The following DOCK9 variants were observed in gnomAD, a reference collection of about 807,000 sequenced individuals.
DOCK9 encodes the protein dedicator of cytokinesis protein 9.
A neutral mutation model predicts 263.3 loss-of-function variants in DOCK9; 89 were observed. That is an observed-to-expected ratio of 0.34 (90% confidence interval 0.28 to 0.40). DOCK9 has a LOEUF of 0.40. Among genes scored for constraint, DOCK9 ranks in the 10% least tolerant of loss-of-function variants. The pLI, the probability that DOCK9 is intolerant of heterozygous loss-of-function variation, is 1.00. For missense variants in DOCK9, 2,140 were observed against 2,603.4 expected, an observed-to-expected ratio of 0.82 and a Z score of 3.87; for synonymous variants, 976 against 973.1, an observed-to-expected ratio of 1.00 and a Z score of -0.06.
At chr13:98,992,824 A>G (rs1880127457) in intron 1 of DOCK9, among the ~76,000 whole-genome samples, 1 of 152,220 alleles carries the variant, frequency 6.6e-6, no homozygotes, top group Admixed American at 6.5e-5. Flanking sequence ...GAGAATCCAC[A>G]GCTCTCCTGA....
intron 1 of DOCK9, among the ~76,000 whole-genome samples, chr13:98,976,203 G>A (rs2060263630): frequency 6.6e-6 from 1 of 152,228 alleles, no homozygotes; most frequent in Non-Finnish European, 1.5e-5. Flanking sequence ...ACTGCCACAA[G>A]CTGCTGGGCC....
chr13:98,854,238 C>T (rs1367484325), intron 34 of DOCK9, among the ~76,000 whole-genome samples: 4 of 151,870 alleles, frequency 2.6e-5, no homozygotes. Flanking sequence ...AAAAGCAGAA[C>T]AAGAATCTCA....
intron 1 of DOCK9, among the ~76,000 whole-genome samples, chr13:99,043,465 A>G (rs1888666838): frequency 6.6e-6 from 1 of 152,152 alleles, no homozygotes; most frequent in Admixed American, 6.5e-5. Context: ...GGGGCAGCCC[A>G]TCTGTCTCTC....
chr13:98,798,543 T>C (rs2139857056), intron 50 of DOCK9, among the ~76,000 whole-genome samples: 1 of 152,024 alleles, frequency 6.6e-6, no homozygotes, highest in Non-Finnish European at 1.5e-5. Context: ...CCAAAATGAC[T>C]GATCATCTAA....
At chr13:98,835,733 CTTTTTTTTTTTTTTTT>C (rs142745340) in intron 39 of DOCK9, among the ~76,000 whole-genome samples, 1 of 79,370 alleles carries the variant, frequency 1.3e-5, no homozygotes, top group African/African-American at 6.0e-5. Flanking sequence ...CTTTACAACT[CTTTTTTTTTTTTTTTT>C]TTTTTTTTTT....
Position 98,921,022 on chromosome 13 carries a change from T to C in DOCK9, c.649A>G (p.Lys217Glu). ...GGTTCTTTGGAGATCTTTTCATCTT[T>C]ATAAAAATTCAAATTATAGGATCCA... ...GDGSYNLNFYKDEKISKEPKG... is the reference protein window; with the variant it reads ...GDGSYNLNFYEDEKISKEPKG... The change falls in exon 7 of 53, where the codon AAA becomes GAA. Residue 217 changes from lysine to glutamate, a missense_variant. Lys to Glu is a moderately conservative substitution (Grantham distance 56). Around this residue, in one of 2 missense-constraint regions of DOCK9, gnomAD observed 1,521 missense variants for 1,741.7 expected, o/e 0.87. Coordinates refer to ENST00000682017, the MANE Select transcript of DOCK9 (RefSeq NM_001366683.2). The C allele has an allele frequency of 1.9e-6, 3 of 1,603,650 alleles. No homozygotes were observed. Among genetic ancestry groups the C allele is most frequent in the Non-Finnish European group, 2.6e-6 (3 of 1,174,332 alleles).
At chr13:98,884,879 ACT>A in intron 21 of DOCK9, 90 bp downstream of exon 21, 1 of 1,396,712 alleles carries the variant, frequency 7.2e-7, no homozygotes, top group Non-Finnish European at 9.7e-7. Flanking sequence ...GAGCAAAAAT[ACT>A]GTTTGCTTTT....
At chr13:98,831,955 C>T (rs1350752652) in intron 39 of DOCK9, 169 bp from the exon 40 acceptor site, 1 of 749,292 alleles carries the variant, frequency 1.3e-6, no homozygotes, top group East Asian at 2.7e-5. Context: ...GTAGAACAAG[C>T]AAATCTATCA....
At chr13:99,009,597 T>C (rs1884104654) in intron 1 of DOCK9, among the ~76,000 whole-genome samples, 1 of 151,992 alleles carries the variant, frequency 6.6e-6, no homozygotes, top group Non-Finnish European at 1.5e-5. Flanking sequence ...TAACAGGTAT[T>C]ATTATTCCAT....
At chr13:99,071,831 T>C (rs960924254) in intron 1 of DOCK9, among the ~76,000 whole-genome samples, 22 of 152,346 alleles carry the variant, frequency 1.4e-4, no homozygotes, top group African/African-American at 5.1e-4. Flanking sequence ...AAAAGCACTC[T>C]TGAATAATTA....
chr13:98,965,169 C>T (rs1315299946), intron 1 of DOCK9, among the ~76,000 whole-genome samples: 3 of 152,098 alleles, frequency 2.0e-5, no homozygotes, highest in Admixed American at 6.5e-5. Flanking sequence ...AGGCCACAAA[C>T]AGGAGGAGGG....
intron 1 of DOCK9, among the ~76,000 whole-genome samples, chr13:99,035,632 A>G (rs1284096664): frequency 6.6e-6 from 1 of 152,232 alleles, no homozygotes; most frequent in Non-Finnish European, 1.5e-5. Context: ...AAAATGGTAG[A>G]GTCATCAATC....
At chr13:99,022,246 C>A (rs1053415384) in intron 1 of DOCK9, among the ~76,000 whole-genome samples, 2 of 152,126 alleles carry the variant, frequency 1.3e-5, no homozygotes, top group African/African-American at 2.4e-5. Context: ...AGTTGTTGGA[C>A]CCCTGCAAGA....
chr13:98,892,410 GGT>G (rs1236398773), intron 15 of DOCK9, among the ~76,000 whole-genome samples: 43 of 152,074 alleles, frequency 2.8e-4, no homozygotes, highest in Non-Finnish European at 8.8e-5. Context: ...TGGCAATACA[GGT>G]ATGTTTGGAC....
chr13:99,087,023 A>G (rs1407584567), upstream of DOCK9, among the ~76,000 whole-genome samples: 2 of 152,026 alleles, frequency 1.3e-5, no homozygotes, highest in Non-Finnish European at 2.9e-5. Context: ...AGTCACCGGC[A>G]GGGTCGGAGC....
intron 35 of DOCK9, among the ~76,000 whole-genome samples, chr13:98,852,568 C>A (rs1456756368): frequency 1.3e-5 from 2 of 152,290 alleles, no homozygotes; most frequent in Non-Finnish European, 1.5e-5. Context: ...ATAAGCAGCA[C>A]AAGAGGCCTT....
intron 27 of DOCK9, chr13:98,871,767 C>T (rs1185848376): frequency 6.6e-6 from 1 of 152,478 alleles, no homozygotes; most frequent in Non-Finnish European, 1.5e-5. Context: ...TGCAGCATCC[C>T]TTTCTGTCCT....
At chr13:98,897,719 A>G in intron 14 of DOCK9, 109 bp from the exon 15 acceptor site, 1 of 1,420,416 alleles carries the variant, frequency 7.0e-7, no homozygotes, top group Non-Finnish European at 9.5e-7. Context: ...CATTGGCTAT[A>G]GCCAACAGAA....
At chr13:98,975,641 T>C (rs1227835976) in intron 1 of DOCK9, among the ~76,000 whole-genome samples, 3 of 152,240 alleles carry the variant, frequency 2.0e-5, no homozygotes, top group Non-Finnish European at 4.4e-5. Context: ...TTCTTGTTTT[T>C]CCTACTTCTA....
Sources: allele counts gnomAD v4.1 joint callset (sites outside exome capture counted in the v4.1 genomes callset), GRCh38; gene constraint gnomAD v4.1.1; regional missense constraint gnomAD v4.1.1; transcripts MANE v1.5; gene names NCBI Gene and HGNC (gene_info 2026-07-23, HGNC 2026-07-21).